Variants in ABCC9 observed in about 807,000 individuals in gnomAD.
The protein encoded by ABCC9 is ATP-binding cassette sub-family C member 9.
A neutral mutation model predicts 188.3 loss-of-function variants in ABCC9; 95 were observed. That is an observed-to-expected ratio of 0.50 (90% confidence interval 0.43 to 0.60). The LOEUF (loss-of-function observed/expected upper bound fraction) is 0.60. Among genes scored for constraint, ABCC9 ranks in the 20% least tolerant of loss-of-function variants. The pLI is 0.00. For synonymous variants in ABCC9, 659 were observed against 652.7 expected (o/e 1.01, Z -0.15); for missense variants, 1,102 against 1,876.3 (o/e 0.59, Z 7.62).
chr12:21,905,355 T>C (rs1263091141), intron 12 of ABCC9, among the ~76,000 whole-genome samples: 5 of 151,644 alleles, frequency 3.3e-5, no homozygotes, highest in African/African-American at 9.7e-5. Context: ...ATGACACATA[T>C]ATATATATGT....
chr12:21,844,878 G>C lies in ABCC9; in HGVS notation c.3134C>G (p.Ala1045Gly). The change falls in exon 27 of 40, where the codon GCA becomes GGA. Residue 1045 changes from alanine (A) to glycine (G), a missense_variant. Physicochemically the swap from Ala to Gly is moderately conservative, Grantham distance 60 (BLOSUM62 0). This residue lies in a region of ABCC9 where 74 missense variants were observed against 132.7 expected (regional missense o/e 0.56). Coordinates refer to ENST00000261200, the MANE Select transcript of ABCC9 (RefSeq NM_020297.4). ...YVAGFSILCG[A>G]GIFLCLVTSL... is the part of the protein sequence containing the mutation. ...TGTAACAAGGCAAAGGAAAATGCCT[G>C]CTCCACAGAGTATGCTAAAGCCAGC... 1 of 1,613,856 alleles carries C rather than the reference G, an allele frequency of 6.2e-7. No homozygotes were observed. The highest frequency in any genetic ancestry group is 2.2e-5 in the East Asian group (1 of 44,866).
At chr12:21,859,461 A>ATCG in intron 22 of ABCC9, 125 bp downstream of exon 22, 2 of 923,430 alleles carry the variant, frequency 2.2e-6, no homozygotes, top group South Asian at 2.6e-5. Flanking sequence ...TATTTCCCCT[A>ATCG]TATACTTTAC....
At chr12:21,829,569 G>C (rs1943636258) in intron 30 of ABCC9, among the ~76,000 whole-genome samples, 1 of 152,174 alleles carries the variant, frequency 6.6e-6, no homozygotes, top group African/African-American at 2.4e-5. Flanking sequence ...AGTAGAGATG[G>C]TGTGGTCAGG....
At chr12:21,835,964 A>T (rs1944058097) in intron 30 of ABCC9, among the ~76,000 whole-genome samples, 1 of 152,102 alleles carries the variant, frequency 6.6e-6, no homozygotes, top group Non-Finnish European at 1.5e-5. Context: ...CTACCTACTC[A>T]TGGAATCAGA....
chr12:21,868,193 C>T (rs1486225733), intron 18 of ABCC9, among the ~76,000 whole-genome samples: 1 of 152,190 alleles, frequency 6.6e-6, no homozygotes, highest in Non-Finnish European at 1.5e-5. Flanking sequence ...AAACAACTAT[C>T]GGCATCTGTA....
rs755412780 is a variant in ABCC9, at chr12:21,799,933, T to C, written c.*1111A>G. ...TTTTGATACACTCTTTACATGCTCATTAAAATTACAATAACATTTTTGGTA... is the reference window on the plus strand; with the variant it reads ...TTTTGATACACTCTTTACATGCTCACTAAAATTACAATAACATTTTTGGTA... On this transcript the variant is annotated 3_prime_UTR_variant, in exon 40 of 40. Coordinates refer to ENST00000261200, the MANE Select transcript of ABCC9 (RefSeq NM_020297.4). 3.3e-5 allele frequency: 5 copies of C among 152,236 alleles called. No individual in the cohort carries two copies. Among genetic ancestry groups the C allele is most frequent in the Non-Finnish European group, 5.9e-5 (4 of 68,042 alleles). 9.4% of individuals were successfully genotyped at this position (152,236 alleles called of 1,614,324 possible).
intron 30 of ABCC9, among the ~76,000 whole-genome samples, chr12:21,834,130 A>G (rs1370711678): frequency 1.3e-5 from 2 of 152,184 alleles, no homozygotes; most frequent in African/African-American, 2.4e-5. Context: ...GCCATATCCA[A>G]TGGACACTTT....
chr12:21,908,813 A>G (rs1233329065), intron 10 of ABCC9, among the ~76,000 whole-genome samples: 1 of 151,922 alleles, frequency 6.6e-6, no homozygotes, highest in African/African-American at 2.4e-5. Context: ...CTATCTTAAT[A>G]TACTTCTCTT....
At chr12:21,821,545 C>T (rs1222779770) in intron 31 of ABCC9, among the ~76,000 whole-genome samples, 1 of 151,936 alleles carries the variant, frequency 6.6e-6, no homozygotes, top group Non-Finnish European at 1.5e-5. Flanking sequence ...TATCAAAAAT[C>T]ACTGGGTCTA....
At chr12:21,870,759 ATTTTCT>A (rs1831065934) in intron 18 of ABCC9, among the ~76,000 whole-genome samples, 2 of 149,754 alleles carry the variant, frequency 1.3e-5, no homozygotes, top group Non-Finnish European at 3.0e-5. Flanking sequence ...ATATTTAAAA[ATTTTCT>A]TTATCTTTCA....
At chr12:21,859,496 C>T in intron 22 of ABCC9, 90 bp downstream of exon 22, 1 of 1,272,552 alleles carries the variant, frequency 7.9e-7, no homozygotes, top group Non-Finnish European at 1.2e-6. Flanking sequence ...AACCATCTTT[C>T]CTTGAGTTAC....
chr12:21,816,175 C>T (rs1942637788), intron 33 of ABCC9, among the ~76,000 whole-genome samples: 1 of 150,020 alleles, frequency 6.7e-6, no homozygotes, highest in African/African-American at 2.4e-5. Flanking sequence ...ATCATCATCT[C>T]TCCTTAGCAT....
rs1170807237 is a variant in ABCC9, at chr12:21,852,607, C to A, written c.2506-102G>T. ...ATACAAATAACTAAGGGCAAATCAT[C>A]CCCCAAATCTAATTTATTTAAAAAA... On this transcript the variant is annotated intron_variant, in intron 22 of 39. Coordinates refer to ENST00000261200, the MANE Select transcript of ABCC9 (RefSeq NM_020297.4). 4.5e-6 allele frequency: 6 copies of A among 1,326,772 alleles called. No individual in the cohort carries two copies. The African/African-American group carries it at 7.3e-5, about 16-fold the overall frequency. 82.2% of individuals were successfully genotyped at this position (1,326,772 alleles called of 1,614,324 possible). A position where few individuals can be genotyped will look rare whatever the true frequency, so the allele number is the denominator to read the frequency against.
chr12:21,907,327 G>A (rs763078687), intron 11 of ABCC9, among the ~76,000 whole-genome samples: 35 of 152,000 alleles, frequency 2.3e-4, no homozygotes, highest in East Asian at 7.7e-4. Context: ...CACCGCTTGC[G>A]TGACATGCAA....
rs538841068 is a variant in ABCC9 at position 21,841,515 on chromosome 12, C to T, written c.3473+799G>A. On this transcript the variant is annotated intron_variant, in intron 29 of 39. Coordinates refer to ENST00000261200, the MANE Select transcript of ABCC9 (RefSeq NM_020297.4). Reference sequence around the variant, plus strand: ...CTGGGATTACAGGCGGGTGCCACCACGCCTGGCTAATTTTTGTATTTTTAG... The same window carrying T: ...CTGGGATTACAGGCGGGTGCCACCATGCCTGGCTAATTTTTGTATTTTTAG... Among the ~76,000 whole-genome samples the T allele has an allele frequency of 2.4e-4, 36 of 151,658 alleles. 1 individual carries two copies. In the South Asian group the frequency reaches 5.6e-3, roughly 24 times the overall value.
intron 28 of ABCC9, among the ~76,000 whole-genome samples, chr12:21,843,810 C>A (rs544434835): frequency 6.6e-6 from 1 of 152,316 alleles, no homozygotes; most frequent in East Asian, 1.9e-4. Context: ...ACTCTGCAGT[C>A]AGCTGCATGC....
At chr12:21,872,566 C>A in intron 18 of ABCC9, 59 bp downstream of exon 18, 1 of 1,314,712 alleles carries the variant, frequency 7.6e-7, no homozygotes, top group Non-Finnish European at 1.1e-6. Flanking sequence ...TAAGTTCTTT[C>A]CTTGGAAGAT....
chr12:21,864,640 T>A (rs1265920892), intron 18 of ABCC9, among the ~76,000 whole-genome samples, 163 bp from the exon 19 acceptor site: 1 of 152,182 alleles, frequency 6.6e-6, no homozygotes, highest in Non-Finnish European at 1.5e-5. Context: ...ATAAGTAGTA[T>A]TCTTCTTTAT....
Position 21,852,187 on chromosome 12 carries a change from T to C in ABCC9, c.2679A>G (p.Glu893=). The part of the protein sequence containing the change: ...IAMKDGSVLR[E]GTLKDIQTKD... ...TGGTTTGAATGTCCTTCAAAGTTCCTTCTCTTAGGACACTTCCATCTTTCA... is the reference window on the plus strand; with the variant it reads ...TGGTTTGAATGTCCTTCAAAGTTCCCTCTCTTAGGACACTTCCATCTTTCA... Residue 893 remains glutamate, a synonymous_variant, in exon 24 of 40, where the codon GAA becomes GAG. Coordinates refer to ENST00000261200, the MANE Select transcript of ABCC9 (RefSeq NM_020297.4). The C allele has an allele frequency of 6.2e-7, 1 of 1,613,824 alleles. No homozygotes were observed. The highest frequency in any genetic ancestry group is 8.5e-7 in the Non-Finnish European group (1 of 1,179,896).
Sources: allele counts gnomAD v4.1 joint callset (sites outside exome capture counted in the v4.1 genomes callset), GRCh38; gene constraint gnomAD v4.1.1; regional missense constraint gnomAD v4.1.1; transcripts MANE v1.5; gene names NCBI Gene and HGNC (gene_info 2026-07-23, HGNC 2026-07-21).